TAF3: variants seen among roughly 807,000 people sequenced by gnomAD.
The protein encoded by TAF3 is transcription initiation factor TFIID subunit 3.
TAF3 carries 7 observed loss-of-function variants against 80.6 expected under a neutral mutation model. The ratio of observed to expected loss-of-function variants is 0.09; its 90% CI spans 0.05 to 0.16. The LOEUF is 0.16. Among genes scored for constraint, TAF3 ranks in the 10% least tolerant of loss-of-function variants. The pLI is 1.00. For synonymous variants in TAF3, 444 were observed against 446.1 expected (o/e 1.00, Z 0.06); for missense variants, 921 against 1,140.2 (o/e 0.81, Z 2.77).
rs1037301695 is a variant in TAF3 at position 7,930,170 on chromosome 10, A to G, written c.410-33750A>G. On this transcript the variant is annotated intron_variant, in intron 2 of 6. Coordinates refer to ENST00000344293, the MANE Select transcript of TAF3 (RefSeq NM_031923.4). ...ACCGTGATTGTGGTACTGCGCTCCA[A>G]CCTGGCAACAGAGTAGCACCCTCTC... is the stretch of plus-strand genomic sequence containing the variant. Among the ~76,000 whole-genome samples, 3 of 152,174 alleles carry G rather than the reference A, an allele frequency of 2.0e-5. No homozygotes were observed. In the South Asian group the frequency reaches 6.2e-4, roughly 32 times the overall value.
At chr10:7,889,759 T>C (rs1284690456) in intron 2 of TAF3, among the ~76,000 whole-genome samples, 1 of 152,216 alleles carries the variant, frequency 6.6e-6, no homozygotes, top group Non-Finnish European at 1.5e-5. Context: ...TTGTGTCTTG[T>C]TTCTTGTGGT....
At chr10:7,918,018 A>C (rs1837728192) in intron 2 of TAF3, among the ~76,000 whole-genome samples, 1 of 152,148 alleles carries the variant, frequency 6.6e-6, no homozygotes, top group Non-Finnish European at 1.5e-5. Context: ...GGGCCGGGGC[A>C]TTTGTTAGTT....
intron 5 of TAF3, among the ~76,000 whole-genome samples, chr10:8,011,071 A>G (rs768931998): frequency 6.6e-6 from 1 of 152,160 alleles, no homozygotes; most frequent in Non-Finnish European, 1.5e-5. Flanking sequence ...ACACAACGAA[A>G]TATTTAAGGT....
chr10:7,936,872 T>G (rs936275594), intron 2 of TAF3, among the ~76,000 whole-genome samples: 9 of 146,046 alleles, frequency 6.2e-5, no homozygotes, highest in Non-Finnish European at 9.0e-5. Flanking sequence ...CATCCATTGA[T>G]TTTTTTTTTT....
intron 4 of TAF3, among the ~76,000 whole-genome samples, chr10:7,987,907 G>A (rs1588577877): frequency 1.3e-5 from 2 of 152,134 alleles, no homozygotes; most frequent in East Asian, 1.9e-4. Flanking sequence ...CCTTGGTGCT[G>A]GCTCCGTCTC....
At chr10:7,958,746 C>T (rs140830422) in intron 2 of TAF3, among the ~76,000 whole-genome samples, 241 of 152,296 alleles carry the variant, frequency 1.6e-3, no homozygotes, top group African/African-American at 5.4e-3. Flanking sequence ...ATAACTTCCA[C>T]GCGCGTTACT....
chr10:7,926,478 A>C (rs1219521293), intron 2 of TAF3, among the ~76,000 whole-genome samples: 1 of 152,202 alleles, frequency 6.6e-6, no homozygotes. Context: ...AGAATTGCAA[A>C]GTGCTTGTAT....
At position 7,860,570 on chromosome 10, in the gene TAF3, A is replaced by G. The variant is rs561401238; in HGVS notation, c.409+36010A>G. ...TTGGTTGTCCAGAGGTGTAGTTCAT[A>G]TAGAAAAAAACAAAAAAGATAAATG... On this transcript the variant is annotated intron_variant, in intron 2 of 6. Coordinates refer to ENST00000344293, the MANE Select transcript of TAF3 (RefSeq NM_031923.4). Among the ~76,000 whole-genome samples the G allele has an allele frequency of 4.6e-5, 7 of 152,324 alleles. No individual in the cohort carries two copies. In the South Asian group the frequency reaches 1.4e-3, roughly 32 times the overall value.
At chr10:7,828,311 C>T (rs1051606122) in intron 2 of TAF3, among the ~76,000 whole-genome samples, 4 of 152,162 alleles carry the variant, frequency 2.6e-5, no homozygotes, top group Non-Finnish European at 5.9e-5. Flanking sequence ...AGGGAACAGA[C>T]TTACTAGCTG....
intron 2 of TAF3, among the ~76,000 whole-genome samples, chr10:7,952,686 C>T (rs183116007): frequency 8.9e-4 from 136 of 152,252 alleles, no homozygotes; most frequent in African/African-American, 3.1e-3. Flanking sequence ...CACTGTGTAT[C>T]TAGGAATTTA....
chr10:7,857,227 G>T (rs11255408), intron 2 of TAF3, among the ~76,000 whole-genome samples: 7 of 152,346 alleles, frequency 4.6e-5, no homozygotes, highest in Admixed American at 1.3e-4. Flanking sequence ...AATACTGGAA[G>T]AATATTTCCT....
intron 2 of TAF3, among the ~76,000 whole-genome samples, chr10:7,915,786 C>G (rs1304647561): frequency 6.6e-6 from 1 of 151,694 alleles, no homozygotes; most frequent in African/African-American, 2.4e-5. Context: ...TGTGACCAGC[C>G]TCGCCAACAT....
At chr10:7,835,192 T>C (rs1438463375) in intron 2 of TAF3, among the ~76,000 whole-genome samples, 2 of 152,102 alleles carry the variant, frequency 1.3e-5, no homozygotes, top group East Asian at 3.9e-4. Flanking sequence ...TAAAATACAC[T>C]AACACCATCG....
intron 1 of TAF3, among the ~76,000 whole-genome samples, chr10:7,824,017 T>G (rs1380646490): frequency 6.6e-6 from 1 of 152,134 alleles, no homozygotes; most frequent in Non-Finnish European, 1.5e-5. Flanking sequence ...TGTCAGGTGC[T>G]GTTCCAGATG....
intron 4 of TAF3, among the ~76,000 whole-genome samples, chr10:7,981,002 C>G (rs1389741928): frequency 1.3e-5 from 2 of 152,106 alleles, no homozygotes; most frequent in Non-Finnish European, 2.9e-5. Context: ...ATTTTAGGGA[C>G]AGGGGCTGTT....
intron 2 of TAF3, among the ~76,000 whole-genome samples, chr10:7,922,467 A>G (rs1837772378): frequency 6.6e-6 from 1 of 152,092 alleles, no homozygotes; most frequent in Admixed American, 6.5e-5. Flanking sequence ...CCAAATAGCA[A>G]ACAGATACCT....
intron 2 of TAF3, among the ~76,000 whole-genome samples, chr10:7,946,211 T>A (rs1472595421): frequency 6.6e-6 from 1 of 152,190 alleles, no homozygotes; most frequent in Non-Finnish European, 1.5e-5. Context: ...TTTCCCATGA[T>A]CCATGAAGCT....
At chr10:8,005,312 T>C (rs913404113) in intron 4 of TAF3, among the ~76,000 whole-genome samples, 1 of 152,230 alleles carries the variant, frequency 6.6e-6, no homozygotes, top group Non-Finnish European at 1.5e-5. Context: ...ATGTGCTGCT[T>C]ATTTTTTTTA....
intron 4 of TAF3, among the ~76,000 whole-genome samples, chr10:8,003,429 T>C (rs1352699062): frequency 1.3e-5 from 2 of 152,236 alleles, no homozygotes; most frequent in African/African-American, 2.4e-5. Context: ...TAATGAATTA[T>C]GTAAACACTT....
Sources: allele counts gnomAD v4.1 joint callset (sites outside exome capture counted in the v4.1 genomes callset), GRCh38; gene constraint gnomAD v4.1.1; transcripts MANE v1.5; gene names NCBI Gene and HGNC (gene_info 2026-07-23, HGNC 2026-07-21).